Variants in CAMKK1 observed in about 807,000 individuals in gnomAD.
CAMKK1 encodes the protein calcium/calmodulin dependent protein kinase kinase 1.
CAMKK1 carries 20 observed loss-of-function variants against 63.5 expected under a neutral mutation model. That is an observed-to-expected ratio of 0.32 (90% CI 0.22 to 0.46). The LOEUF is 0.46. Among genes scored for constraint, CAMKK1 ranks in the 20% least tolerant of loss-of-function variants. The pLI is 1.00. For synonymous variants in CAMKK1, 253 were observed against 269.0 expected (o/e 0.94, Z 0.58); for missense variants, 588 against 658.1 (o/e 0.89, Z 1.17).
In CAMKK1 at chr17:3,890,401, G is replaced by C. The variant is rs1338903505; in HGVS notation, c.-44+2538C>G. On this transcript the variant is annotated intron_variant, in intron 1 of 15. Transcript: ENST00000348335. This position sits in a 1 kb window ranked among gnomAD's most constrained non-coding sequence, Gnocchi z 6.5. ...CACCCACGGAGGCTGATGGTCTCCA[G>C]GCCTCATCCTCTGCCCCTCCTCATC... 6.6e-6 allele frequency among the ~76,000 whole-genome samples: 1 copy of C among 152,124 alleles called. No individual in the cohort carries two copies. The highest frequency in any genetic ancestry group is 1.5e-5 in the Non-Finnish European group (1 of 68,024).
In CAMKK1 at chr17:3,890,626, G is replaced by A. The variant is rs912381756; in HGVS notation, c.-44+2313C>T. On this transcript the variant is annotated intron_variant, in intron 1 of 15. Coordinates refer to ENST00000348335, the MANE Select transcript of CAMKK1 (RefSeq NM_032294.3). The surrounding 1 kb of genome is among the most constrained non-coding windows in gnomAD (Gnocchi z 6.5). ...CTTTCCTGACCCAGGTCAGCAATCC[G>A]GGAGCCCTCCTTGTCACTCGTCCTT... 41 of 779,278 alleles carry A rather than the reference G, an allele frequency of 5.3e-5. No individual in the cohort carries two copies. Among genetic ancestry groups the A allele is most frequent in the Non-Finnish European group, 8.6e-5 (36 of 417,772 alleles). The allele number at this position is 779,278 out of a possible 1,614,324, so 48.3% of individuals were successfully genotyped here.
intron 12 of CAMKK1, among the ~76,000 whole-genome samples, chr17:3,871,122 A>G (rs1774169223): frequency 6.6e-6 from 1 of 152,130 alleles, no homozygotes; most frequent in Non-Finnish European, 1.5e-5. Flanking sequence ...GGAGGCCAGC[A>G]GCAGCGAGAC....
rs1228006510 is a variant in CAMKK1 at position 3,866,016 on chromosome 17, G to A, written c.1342-5C>T. 4.3e-6 allele frequency: 7 copies of A among 1,613,682 alleles called. No individual in the cohort carries two copies. The highest frequency in any genetic ancestry group is 5.9e-6 in the Non-Finnish European group (7 of 1,179,886). On this transcript the variant is annotated splice_polypyrimidine_tract_variant and splice_region_variant and intron_variant, in intron 14 of 15. Transcript: ENST00000348335. ...CAGCATGGACTTCACCAGGATCTGA[G>A]GAGGACAAGGCAGCGTGAGGAGCAC...
chr17:3,865,432 C>T, intron 15 of CAMKK1: 1 of 993,060 alleles, frequency 1.0e-6, no homozygotes, highest in South Asian at 4.5e-5. Flanking sequence ...CTTGGGAGAG[C>T]AGCCAACAGT....
rs1197870478 is a variant in CAMKK1 at position 3,889,350 on chromosome 17, C to G, written c.-44+3589G>C. ...GCCGGGAACCAGGCCCATGGTACAG[C>G]GAAGGATTCCTGTGGGCATGGGCAC... On this transcript the variant is annotated intron_variant, in intron 1 of 15. Coordinates refer to ENST00000348335, the MANE Select transcript of CAMKK1 (RefSeq NM_032294.3). The surrounding 1 kb of genome is among the most constrained non-coding windows in gnomAD (Gnocchi z 5.2). 6.6e-6 allele frequency among the ~76,000 whole-genome samples: 1 copy of G among 152,112 alleles called. No homozygotes were observed. The highest frequency in any genetic ancestry group is 2.4e-5 in the African/African-American group (1 of 41,412).
chr17:3,878,564 G>T (rs922573696), intron 9 of CAMKK1, among the ~76,000 whole-genome samples: 1 of 152,084 alleles, frequency 6.6e-6, no homozygotes, highest in African/African-American at 2.4e-5. Context: ...CTAGGCCCTT[G>T]GTAGGGATTT....
Position 3,883,269 on chromosome 17 carries a change from G to T in CAMKK1, c.515-94C>A. 1 of 1,547,842 alleles carries T rather than the reference G, an allele frequency of 6.5e-7. No individual in the cohort carries two copies. Among genetic ancestry groups the T allele is most frequent in the Non-Finnish European group, 8.9e-7 (1 of 1,128,608 alleles). The stretch of plus-strand genomic sequence containing the variant: ...TCTCAAGCAAGAGTCTTGCATGCCC[G>T]TGGTCTTGTCCCAACCCACAGGGCA... On this transcript the variant is annotated intron_variant, in intron 5 of 15. Coordinates refer to ENST00000348335, the MANE Select transcript of CAMKK1 (RefSeq NM_032294.3). The surrounding 1 kb of genome is among the most constrained non-coding windows in gnomAD (Gnocchi z 4.7).
chr17:3,881,572 A>G, intron 8 of CAMKK1, 55 bp downstream of exon 8: 1 of 1,537,790 alleles, frequency 6.5e-7, no homozygotes, highest in Non-Finnish European at 8.8e-7. Flanking sequence ...CAGGGAGGGA[A>G]AGGAAGGAAG....
rs781407204 is a variant in CAMKK1, at chr17:3,865,931, C to T, written c.1422G>A (p.Met474Ile). 1 of 1,614,130 alleles carries T rather than the reference C, an allele frequency of 6.2e-7. No individual in the cohort carries two copies. Among genetic ancestry groups the T allele is most frequent in the African/African-American group, 1.3e-5 (1 of 74,938 alleles). ...ACACCAGTAGGTTTCCTGGAGCAGA[C>T]ATGGATCGCTCTTCCCTCCGTGCTT... ...EPQARREERS[M>I]SAPGNLLVKE... Residue 474 changes from methionine (M) to isoleucine (I), a missense_variant, in exon 15 of 16, where the codon ATG becomes ATA. Physicochemically the swap from Met to Ile is conservative, Grantham distance 10. This residue lies in a region of CAMKK1 where 226 missense variants were observed against 229.2 expected (regional missense o/e 0.99). Transcript: ENST00000348335.
In CAMKK1 at chr17:3,882,488, C is replaced by T. The variant is rs774294317; in HGVS notation, c.685+40G>A. The T allele has an allele frequency of 1.9e-6, 3 of 1,600,128 alleles. No individual in the cohort carries two copies. The highest frequency in any genetic ancestry group is 1.3e-5 in the African/African-American group (1 of 74,666). On this transcript the variant is annotated intron_variant, in intron 7 of 15. Transcript: ENST00000348335. The surrounding 1 kb of genome is among the most constrained non-coding windows in gnomAD (Gnocchi z 4.3). ...TGTCCCAAGGGAGCCCTTGGGCCAG[C>T]CCTGAGTGAGCTGCTGTGGGAATGA... is the stretch of plus-strand genomic sequence containing the variant.
rs1210603959 is a variant in CAMKK1, at chr17:3,883,780, C to G, written c.462+104G>C. The G allele has an allele frequency of 1.7e-6, 2 of 1,165,046 alleles. No homozygotes were observed. Among genetic ancestry groups the G allele is most frequent in the African/African-American group, 1.5e-5 (1 of 66,418 alleles). 72.2% of individuals were successfully genotyped at this position (1,165,046 alleles called of 1,614,324 possible). A position where few individuals can be genotyped will look rare whatever the true frequency, so the allele number is the denominator to read the frequency against. ...TACCCCTAGGGACAGGGAGCTCACT[C>G]TCAGGCAGCCCTGTCCTCTATCTCC... is the stretch of plus-strand genomic sequence containing the variant. On this transcript the variant is annotated intron_variant, in intron 4 of 15. Coordinates refer to ENST00000348335, the MANE Select transcript of CAMKK1 (RefSeq NM_032294.3). This position sits in a 1 kb window ranked among gnomAD's most constrained non-coding sequence, Gnocchi z 4.7.
intron 1 of CAMKK1, among the ~76,000 whole-genome samples, chr17:3,891,833 T>C (rs2055914375): frequency 6.6e-6 from 1 of 151,922 alleles, no homozygotes; most frequent in Admixed American, 6.6e-5. Flanking sequence ...TGGGGAGAGC[T>C]TGGTGGACAG....
At position 3,870,607 on chromosome 17, in the gene CAMKK1, C is replaced by T. The variant is rs1220704229; in HGVS notation, c.1125-719G>A. On this transcript the variant is annotated intron_variant, in intron 12 of 15. Transcript: ENST00000348335. Reference sequence around the variant, plus strand: ...ATCTCGATCTCCTGATCTCATGATCCGCCTGCCTTGGCCTCCCAAAGTGCT... The same window carrying T: ...ATCTCGATCTCCTGATCTCATGATCTGCCTGCCTTGGCCTCCCAAAGTGCT... Among the ~76,000 whole-genome samples, 11 of 152,196 alleles carry T rather than the reference C, an allele frequency of 7.2e-5. No individual in the cohort carries two copies. In the South Asian group the frequency reaches 8.3e-4, roughly 11 times the overall value.
intron 14 of CAMKK1, among the ~76,000 whole-genome samples, chr17:3,868,005 G>A (rs563987408): frequency 0.02 from 2,398 of 117,100 alleles, 222 homozygotes; most frequent in African/African-American, 0.058. Flanking sequence ...TAACTGATAC[G>A]CGGGCTCTGG....
chr17:3,877,530 G>T (rs1467409699), intron 9 of CAMKK1, among the ~76,000 whole-genome samples: 1 of 152,138 alleles, frequency 6.6e-6, no homozygotes, highest in African/African-American at 2.4e-5. Context: ...TCCTTGGCAA[G>T]TACCTTCATC....
rs1008034455 is a variant in CAMKK1, at chr17:3,862,293, G to A, written c.1446-10C>T. 3 of 1,567,724 alleles carry A rather than the reference G, an allele frequency of 1.9e-6. No homozygotes were observed. Among genetic ancestry groups the A allele is most frequent in the Non-Finnish European group, 1.7e-6 (2 of 1,154,658 alleles). On this transcript the variant is annotated splice_polypyrimidine_tract_variant and intron_variant, in intron 15 of 15. Transcript: ENST00000348335. This position sits in a 1 kb window ranked among gnomAD's most constrained non-coding sequence, Gnocchi z 4.1. ...ACCAAACCCTTCTTTCCTGTTCAGG[G>A]GACACCAGGGACAGAGGGACCTCAG...
rs187800629 is a variant in CAMKK1 at position 3,891,493 on chromosome 17, T to C, written c.-44+1446A>G. 3.4e-4 allele frequency among the ~76,000 whole-genome samples: 52 copies of C among 152,248 alleles called. No homozygotes were observed. In the East Asian group the frequency reaches 8.1e-3, roughly 24 times the overall value. ...AGGGGCAGTAGGCAGTGTAGTTATC[T>C]GGGGAAGAGCATTTCAGGTGCAGGG... On this transcript the variant is annotated intron_variant, in intron 1 of 15. Transcript: ENST00000348335.
chr17:3,870,153 C>A (rs1252542102), intron 12 of CAMKK1, among the ~76,000 whole-genome samples: 6 of 152,096 alleles, frequency 3.9e-5, no homozygotes, highest in Non-Finnish European at 8.8e-5. Flanking sequence ...TTATGGGACA[C>A]CAGAGGCCTT....
Position 3,889,877 on chromosome 17 carries a change from A to G in CAMKK1, c.-44+3062T>C, listed in dbSNP as rs904500117. Among the ~76,000 whole-genome samples, 6 of 152,358 alleles carry G rather than the reference A, an allele frequency of 3.9e-5. 1 individual carries two copies. In the South Asian group the frequency reaches 1.2e-3, roughly 32 times the overall value. On this transcript the variant is annotated intron_variant, in intron 1 of 15. Coordinates refer to ENST00000348335, the MANE Select transcript of CAMKK1 (RefSeq NM_032294.3). The surrounding 1 kb of genome is among the most constrained non-coding windows in gnomAD (Gnocchi z 5.2). ...CCCTCAAAGGAGCCCCAGAGCAGGC[A>G]GACCCTGCTGCCATCCACGCGGGTT...
Sources: gnomAD v4.1 joint callset for allele counts (sites outside exome capture counted in the v4.1 genomes callset) on GRCh38, gnomAD v4.1.1 for gene constraint, gnomAD v4.1.1 regional missense constraint, Gnocchi (gnomAD v3.1) non-coding constraint, MANE v1.5 for transcripts, NCBI Gene and HGNC (gene_info 2026-07-23, HGNC 2026-07-21) for gene names.